PPFIA3: variants seen among roughly 807,000 people sequenced by gnomAD.
The protein encoded by PPFIA3 is liprin-alpha-3.
In PPFIA3, 26 loss-of-function variants were observed where a neutral mutation model predicts 145.8. That is an observed-to-expected ratio of 0.18 (90% CI 0.13 to 0.25). PPFIA3 has a LOEUF of 0.25. Among genes scored for constraint, PPFIA3 ranks in the 10% least tolerant of loss-of-function variants. The pLI, the probability that PPFIA3 is intolerant of heterozygous loss-of-function variation, is 1.00. For synonymous variants in PPFIA3, 645 were observed against 661.4 expected (o/e 0.98, Z 0.38); for missense variants, 1,008 against 1,587.8 (o/e 0.63, Z 6.21).
intron 7 of PPFIA3, among the ~76,000 whole-genome samples, chr19:49,132,770 G>A (rs2041090924): frequency 6.6e-6 from 1 of 152,170 alleles, no homozygotes; most frequent in Non-Finnish European, 1.5e-5. Flanking sequence ...TGAACCTGGA[G>A]GATCTGAGCC....
intron 7 of PPFIA3, among the ~76,000 whole-genome samples, chr19:49,131,454 T>C (rs1269921163): frequency 6.6e-6 from 1 of 151,026 alleles, no homozygotes; most frequent in Non-Finnish European, 1.5e-5. Flanking sequence ...AGTGCTGGGA[T>C]TACAGGTGTG....
intron 14 of PPFIA3, 102 bp downstream of exon 14, chr19:49,136,025 A>G: frequency 7.5e-7 from 1 of 1,331,140 alleles, no homozygotes; most frequent in African/African-American, 1.5e-5. Flanking sequence ...CTGGGTTGAG[A>G]GGCAGGATCT....
In PPFIA3 at chr19:49,149,956, G is replaced by A. The variant is rs1385821016; in HGVS notation, c.3527-124G>A. ...TGAGTCCTTGGCTGCGGGGAAGGGA[G>A]GGAAACCCATGTGGAGCCCGGCGAT... On this transcript the variant is annotated intron_variant, in intron 28 of 29. Transcript: ENST00000334186. This position sits in a 1 kb window ranked among gnomAD's most constrained non-coding sequence, Gnocchi z 5.7. The A allele has an allele frequency of 2.4e-6, 3 of 1,267,316 alleles. No individual in the cohort carries two copies. In the East Asian group the frequency reaches 7.6e-5, roughly 32 times the overall value. The allele number at this position is 1,267,316 out of a possible 1,614,324, so 78.5% of individuals were successfully genotyped here. A position where few individuals can be genotyped will look rare whatever the true frequency, so the allele number is the denominator to read the frequency against.
At chr19:49,126,024 C>T (rs1482157976) in intron 1 of PPFIA3, among the ~76,000 whole-genome samples, 1 of 151,780 alleles carries the variant, frequency 6.6e-6, no homozygotes, top group Non-Finnish European at 1.5e-5. Context: ...GATCTTGGCT[C>T]ACCGCAACCT....
chr19:49,121,909 T>A (rs1234449956), intron 1 of PPFIA3, among the ~76,000 whole-genome samples: 3 of 151,892 alleles, frequency 2.0e-5, no homozygotes, highest in Non-Finnish European at 4.4e-5. Flanking sequence ...AGTGCTGGGA[T>A]TACAGGCATG....
intron 24 of PPFIA3, 41 bp from the exon 25 acceptor site, chr19:49,148,625 C>A: frequency 6.7e-7 from 1 of 1,500,574 alleles, no homozygotes; most frequent in Non-Finnish European, 9.2e-7. Context: ...GTCTAGGGGA[C>A]TGGAAAGCTC....
Position 49,127,842 on chromosome 19 carries a change from C to T in PPFIA3, c.-15-17C>T, listed in dbSNP as rs772762737. 21 of 1,587,726 alleles carry T rather than the reference C, an allele frequency of 1.3e-5. No individual in the cohort carries two copies. In the South Asian group the frequency reaches 2.1e-4, roughly 16 times the overall value. On this transcript the variant is annotated splice_polypyrimidine_tract_variant and intron_variant, in intron 1 of 29. Transcript: ENST00000334186. ...CTTGACAAGGCCGGTCTGTTCCTTG[C>T]CCTCCCCGCCCCGCAGGCCCGCACC... is the stretch of plus-strand genomic sequence containing the variant.
In PPFIA3 at chr19:49,133,473, G is replaced by T; in HGVS notation, c.1161+102G>T. On this transcript the variant is annotated intron_variant, in intron 9 of 29. Transcript: ENST00000334186. The surrounding 1 kb of genome is among the most constrained non-coding windows in gnomAD (Gnocchi z 7.2). Reference sequence around the variant, plus strand: ...GGGGTAGGAGCGAGGTCAGAACCCCGGATTTGGGGGAAAGGGTGGGGCCTA... The same window carrying T: ...GGGGTAGGAGCGAGGTCAGAACCCCTGATTTGGGGGAAAGGGTGGGGCCTA... 7.4e-7 allele frequency: 1 copy of T among 1,359,012 alleles called. No homozygotes were observed. Among genetic ancestry groups the T allele is most frequent in the South Asian group, 1.5e-5 (1 of 67,118 alleles). The allele number at this position is 1,359,012 out of a possible 1,614,324, so 84.2% of individuals were successfully genotyped here. A position where few individuals can be genotyped will look rare whatever the true frequency, so the allele number is the denominator to read the frequency against.
Position 49,148,211 on chromosome 19 carries a change from C to G in PPFIA3, c.2964C>G (p.Asn988Lys). Residue 988 changes from asparagine to lysine, a missense_variant, in exon 24 of 30, where the codon AAC becomes AAG. By Grantham distance (94) the Asn-to-Lys change is moderately conservative. Transcript: ENST00000334186. ...LVDARMLDHL[N>K]KKELRGQLKM... The stretch of plus-strand genomic sequence containing the variant: ...ACGCTCGAATGTTAGATCACCTTAA[C>G]AAGAAGGAGCTCCGGGGCCAACTCA... The G allele has an allele frequency of 6.2e-7, 1 of 1,614,202 alleles. No homozygotes were observed. The highest frequency in any genetic ancestry group is 8.5e-7 in the Non-Finnish European group (1 of 1,180,030).
Position 49,133,516 on chromosome 19 carries a change from A to T in PPFIA3, c.1161+145A>T. The T allele has an allele frequency of 8.9e-7, 1 of 1,122,586 alleles. No homozygotes were observed. The highest frequency in any genetic ancestry group is 1.2e-6 in the Non-Finnish European group (1 of 813,446). 69.5% of individuals were successfully genotyped at this position (1,122,586 alleles called of 1,614,324 possible). ...GGGGCCTAGGGGCTGGGAAAGGGAC[A>T]GGACTTGGAATGGGGAGGGCCTGGA... On this transcript the variant is annotated intron_variant, in intron 9 of 29. Transcript: ENST00000334186. This position sits in a 1 kb window ranked among gnomAD's most constrained non-coding sequence, Gnocchi z 7.2.
chr19:49,131,232 G>A (rs2041067205), intron 7 of PPFIA3, among the ~76,000 whole-genome samples: 1 of 145,602 alleles, frequency 6.9e-6, no homozygotes. Flanking sequence ...GCAGTGTCGG[G>A]ATCTTGGCTC....
rs1328073605 is a variant in PPFIA3 at position 49,143,394 on chromosome 19, CAG to C, written c.2745+393_2745+394del. On this transcript the variant is annotated intron_variant, in intron 21 of 29. Transcript: ENST00000334186. Reference sequence around the variant, plus strand: ...CTTTTCTTTCCTTTTTTTTTGGAGACAGAGTTTCGCTCTTGTTGTCCAGGCTG... The same window carrying C: ...CTTTTCTTTCCTTTTTTTTTGGAGACAGTTTCGCTCTTGTTGTCCAGGCTG... 5.3e-5 allele frequency among the ~76,000 whole-genome samples: 8 copies of C among 151,886 alleles called. No homozygotes were observed. In the East Asian group the frequency reaches 9.6e-4, roughly 18 times the overall value.
At chr19:49,129,504 G>C in intron 5 of PPFIA3, 50 bp downstream of exon 5, 1 of 1,544,214 alleles carries the variant, frequency 6.5e-7, no homozygotes, top group Non-Finnish European at 8.8e-7. Flanking sequence ...GAGGGGCTAA[G>C]GGGCTGCCCA....
chr19:49,124,968 G>C (rs1012842424), intron 1 of PPFIA3, among the ~76,000 whole-genome samples: 19 of 152,230 alleles, frequency 1.2e-4, no homozygotes, highest in African/African-American at 4.3e-4. Flanking sequence ...TTGGGAAGCT[G>C]AGGCAGGAGA....
chr19:49,128,322 G>A lies in PPFIA3; in HGVS notation c.241-45G>A. On this transcript the variant is annotated intron_variant, in intron 2 of 29. Coordinates refer to ENST00000334186, the MANE Select transcript of PPFIA3 (RefSeq NM_003660.4). The surrounding 1 kb of genome is among the most constrained non-coding windows in gnomAD (Gnocchi z 4.1). ...AGTCCCAGTGAATGAAGGAGACAGGGAAAGGATTGAGCCGAATGTCCAGAT... is the reference window on the plus strand; with the variant it reads ...AGTCCCAGTGAATGAAGGAGACAGGAAAAGGATTGAGCCGAATGTCCAGAT... The A allele has an allele frequency of 6.2e-7, 1 of 1,601,798 alleles. No individual in the cohort carries two copies. The highest frequency in any genetic ancestry group is 8.6e-7 in the Non-Finnish European group (1 of 1,169,042).
At chr19:49,145,075 C>T (rs1435080260) in intron 21 of PPFIA3, among the ~76,000 whole-genome samples, 3 of 151,800 alleles carry the variant, frequency 2.0e-5, no homozygotes, top group Non-Finnish European at 4.4e-5. Flanking sequence ...GGATTAAAGG[C>T]ACACGCCACC....
At chr19:49,136,985 C>A in intron 15 of PPFIA3, 74 bp downstream of exon 15, 2 of 1,356,754 alleles carry the variant, frequency 1.5e-6, no homozygotes, top group Admixed American at 2.8e-5. Context: ...CTCTGGAGGC[C>A]TGAAAGCCTG....
chr19:49,138,841 C>T (rs892736257), intron 16 of PPFIA3, among the ~76,000 whole-genome samples: 5 of 151,906 alleles, frequency 3.3e-5, no homozygotes, highest in East Asian at 3.9e-4. Context: ...CCTGGTGGCA[C>T]GTGCCTGTAA....
intron 1 of PPFIA3, among the ~76,000 whole-genome samples, chr19:49,126,202 C>A (rs1398541594): frequency 6.6e-6 from 1 of 152,016 alleles, no homozygotes; most frequent in Non-Finnish European, 1.5e-5. Context: ...ACAGCCTCAG[C>A]CTCCCAAAGT....
Sources: gnomAD v4.1 joint callset for allele counts (sites outside exome capture counted in the v4.1 genomes callset) on GRCh38, gnomAD v4.1.1 for gene constraint, Gnocchi (gnomAD v3.1) non-coding constraint, MANE v1.5 for transcripts, NCBI Gene and HGNC (gene_info 2026-07-23, HGNC 2026-07-21) for gene names.